Variants in TECRL observed in about 807,000 individuals in gnomAD.
TECRL encodes the protein trans-2,3-enoyl-CoA reductase like, also known as trans-2,3-enoyl-CoA reductase-like.
TECRL carries 63 observed loss-of-function variants against 52.8 expected under a neutral mutation model. The observed-to-expected ratio is 1.19, with a 90% CI of 0.97 to 1.47. The LOEUF (loss-of-function observed/expected upper bound fraction) is 1.47, where lower values mean the gene tolerates loss of function less well. Ranked by LOEUF, TECRL falls within the 40% of genes most tolerant of loss-of-function variation. The probability of loss-of-function intolerance (pLI) is 0.00; values close to 1 mark genes in which losing one functional copy is unlikely to be tolerated. For synonymous variants in TECRL, 164 were observed against 141.9 expected (o/e 1.16, Z -1.10); for missense variants, 482 against 429.6 (o/e 1.12, Z -1.08).
intron 2 of TECRL, among the ~76,000 whole-genome samples, chr4:64,349,088 T>A (rs932831724): frequency 4.0e-5 from 6 of 149,744 alleles, no homozygotes; most frequent in African/African-American, 1.5e-4. Flanking sequence ...AACCTAAAAT[T>A]TTCATAAATT....
intron 1 of TECRL, among the ~76,000 whole-genome samples, chr4:64,399,784 G>C (rs1357825878): frequency 6.6e-6 from 1 of 152,244 alleles, no homozygotes; most frequent in East Asian, 1.9e-4. Context: ...AGATTTCAGC[G>C]GATATATGAA....
At chr4:64,374,683 T>G (rs1722270747) in intron 2 of TECRL, among the ~76,000 whole-genome samples, 1 of 152,018 alleles carries the variant, frequency 6.6e-6, no homozygotes, top group African/African-American at 2.4e-5. Context: ...GTCCTTGCAA[T>G]AGTTTGCTGA....
At chr4:64,376,962 G>C (rs1278586196) in intron 1 of TECRL, among the ~76,000 whole-genome samples, 1 of 151,952 alleles carries the variant, frequency 6.6e-6, no homozygotes, top group Non-Finnish European at 1.5e-5. Flanking sequence ...TAAGATCAAA[G>C]TTTCTTAATC....
chr4:64,368,955 A>G (rs1721803785), intron 2 of TECRL, among the ~76,000 whole-genome samples: 1 of 152,118 alleles, frequency 6.6e-6, no homozygotes, highest in Non-Finnish European at 1.5e-5. Flanking sequence ...AATAAATTAT[A>G]TACCCTTTCT....
chr4:64,303,405 C>T (rs1275120607), intron 7 of TECRL, among the ~76,000 whole-genome samples: 1 of 151,580 alleles, frequency 6.6e-6, no homozygotes, highest in East Asian at 1.9e-4. Context: ...AGATGATATG[C>T]TCATTTTTGT....
At chr4:64,378,447 G>A (rs933782928) in intron 1 of TECRL, among the ~76,000 whole-genome samples, 2 of 151,970 alleles carry the variant, frequency 1.3e-5, no homozygotes, top group African/African-American at 4.8e-5. Context: ...TGTGTCTGTA[G>A]TCCCAGCTAT....
chr4:64,314,860 A>G (rs1345707373), intron 4 of TECRL, 97 bp from the exon 5 acceptor site: 6 of 835,076 alleles, frequency 7.2e-6, no homozygotes, highest in Non-Finnish European at 9.8e-6. Flanking sequence ...AAATTGGTGA[A>G]ACAGGTAGAT....
At chr4:64,302,337 C>G (rs1467067154) in intron 7 of TECRL, among the ~76,000 whole-genome samples, 4 of 151,246 alleles carry the variant, frequency 2.6e-5, no homozygotes, top group Non-Finnish European at 4.4e-5. Context: ...AAGTCAAACA[C>G]TGTTACCACA....
intron 2 of TECRL, among the ~76,000 whole-genome samples, chr4:64,373,570 CT>C (rs546443605): frequency 6.6e-6 from 1 of 150,958 alleles, no homozygotes; most frequent in Non-Finnish European, 1.5e-5. Flanking sequence ...AAAAATAATA[CT>C]TTTTTGTCAG....
chr4:64,345,274 C>T (rs1719872525), intron 2 of TECRL, among the ~76,000 whole-genome samples: 1 of 152,056 alleles, frequency 6.6e-6, no homozygotes, highest in African/African-American at 2.4e-5. Flanking sequence ...CGGCACTATT[C>T]ACAATAGCAA....
chr4:64,388,313 G>T (rs1412210329), intron 1 of TECRL, among the ~76,000 whole-genome samples: 7 of 131,876 alleles, frequency 5.3e-5, no homozygotes, highest in African/African-American at 2.0e-4. Context: ...TTGTTCCTTT[G>T]TCAAAGATCA....
intron 1 of TECRL, among the ~76,000 whole-genome samples, chr4:64,387,187 A>AT (rs1282673812): frequency 3.9e-5 from 6 of 152,018 alleles, no homozygotes; most frequent in Non-Finnish European, 8.8e-5. Flanking sequence ...TTCAGATTGC[A>AT]TTTTTTCACT....
chr4:64,345,925 A>AAAAAAAC (rs1345754524), intron 2 of TECRL, among the ~76,000 whole-genome samples: 2 of 146,062 alleles, frequency 1.4e-5, no homozygotes, highest in Admixed American at 6.9e-5. Context: ...AAAAAAAAAA[A>AAAAAAAC]AAAAAACATT....
intron 1 of TECRL, among the ~76,000 whole-genome samples, chr4:64,405,968 C>A (rs1286223215): frequency 6.6e-6 from 1 of 151,966 alleles, no homozygotes; most frequent in East Asian, 1.9e-4. Context: ...CACTGGTGAC[C>A]TCAGTAAGTT....
intron 2 of TECRL, among the ~76,000 whole-genome samples, chr4:64,348,228 AGC>A (rs1720129007): frequency 6.6e-6 from 1 of 152,202 alleles, no homozygotes; most frequent in Non-Finnish European, 1.5e-5. Flanking sequence ...GCAAAGACGA[AGC>A]AAGGACCTTC....
intron 5 of TECRL, among the ~76,000 whole-genome samples, chr4:64,312,759 C>A (rs1577852004): frequency 1.6e-5 from 1 of 63,606 alleles, no homozygotes; most frequent in East Asian, 5.4e-4. Flanking sequence ...AGAGCAAGAC[C>A]CTCTCTCAAA....
chr4:64,401,163 G>A (rs1180806820), intron 1 of TECRL, among the ~76,000 whole-genome samples: 2 of 152,116 alleles, frequency 1.3e-5, no homozygotes, highest in South Asian at 2.1e-4. Flanking sequence ...TTTAATTTCT[G>A]AAAGGCAGAT....
chr4:64,298,226 A>G (rs1723797208), intron 8 of TECRL, among the ~76,000 whole-genome samples: 1 of 151,214 alleles, frequency 6.6e-6, no homozygotes. Flanking sequence ...TGTGCAATTA[A>G]AGTTATCACA....
Position 64,317,203 on chromosome 4 carries a change from G to A in TECRL, c.436-2440C>T, listed in dbSNP as rs1034495126. Among the ~76,000 whole-genome samples, 9 of 152,162 alleles carry A rather than the reference G, an allele frequency of 5.9e-5. No individual in the cohort carries two copies. In the East Asian group the frequency reaches 1.7e-3, roughly 30 times the overall value. On this transcript the variant is annotated intron_variant, in intron 4 of 11. Coordinates refer to ENST00000381210, the MANE Select transcript of TECRL (RefSeq NM_001010874.5). ...TGAGGCAGAAGAATGGCGTGAACCTGGGAGGCGGAGCTTGCAGTGAGCCAA... is the reference window on the plus strand; with the variant it reads ...TGAGGCAGAAGAATGGCGTGAACCTAGGAGGCGGAGCTTGCAGTGAGCCAA...
Sources: allele counts gnomAD v4.1 joint callset (sites outside exome capture counted in the v4.1 genomes callset), GRCh38; gene constraint gnomAD v4.1.1; transcripts MANE v1.5; gene names NCBI Gene and HGNC (gene_info 2026-07-23, HGNC 2026-07-21).